The following SLC25A35 variants were observed in gnomAD, a reference collection of about 807,000 sequenced individuals.
SLC25A35 encodes solute carrier family 25 member 35, also known as solute carrier family 25, member 35.
A neutral mutation model predicts 30.5 loss-of-function variants in SLC25A35; 32 were observed. That is an observed-to-expected ratio of 1.05 (90% CI 0.79 to 1.41). SLC25A35 has a LOEUF of 1.41. Ranked by LOEUF, SLC25A35 falls within the 40% of genes most tolerant of loss-of-function variation. SLC25A35 has a pLI of 0.00. For missense variants in SLC25A35, 369 were observed against 388.0 expected (o/e 0.95, Z 0.41); for synonymous variants, 142 against 158.1 (o/e 0.90, Z 0.77).
chr17:8,291,955 G>A (rs1048555824), intron 2 of SLC25A35, among the ~76,000 whole-genome samples: 10 of 152,120 alleles, frequency 6.6e-5, no homozygotes, highest in Non-Finnish European at 1.0e-4. Context: ...AGGCCGAGGC[G>A]GGCGGATCAC....
intron 2 of SLC25A35, among the ~76,000 whole-genome samples, chr17:8,291,961 A>C (rs1333268514): frequency 1.3e-5 from 2 of 152,110 alleles, no homozygotes; most frequent in Admixed American, 6.6e-5. Context: ...AGGCGGGCGG[A>C]TCACAAGTTC....
At position 8,294,561 on chromosome 17, in the gene SLC25A35, T is replaced by G. The variant is rs1990737397; in HGVS notation, c.247A>C (p.Thr83Pro). 6.2e-7 allele frequency: 1 copy of G among 1,614,064 alleles called. No homozygotes were observed. Among genetic ancestry groups the G allele is most frequent in the African/African-American group, 1.3e-5 (1 of 75,054 alleles). Reference protein sequence around the residue: ...QFLMNGIRLGTYGLAEAGGYL... With the variant: ...QFLMNGIRLGPYGLAEAGGYL... ...CCCCCAGCCTCAGCCAGCCCATAGG[T>G]GCCCAGTCGGATGCCATTCATCAGG... The change falls in exon 1 of 5, where the codon ACC becomes CCC. Residue 83 changes from threonine (T) to proline (P), a missense_variant. Transcript: ENST00000577745.
chr17:8,292,619 C>T, intron 1 of SLC25A35, 31 bp from the exon 2 acceptor site: 1 of 1,609,492 alleles, frequency 6.2e-7, no homozygotes, highest in Non-Finnish European at 8.5e-7. Flanking sequence ...TAGCCTGTGC[C>T]CCAGTGGCCA....
chr17:8,290,263 C>T lies in SLC25A35; in HGVS notation c.*242G>A. On this transcript the variant is annotated 3_prime_UTR_variant, in exon 5 of 5. Coordinates refer to ENST00000577745, the MANE Select transcript of SLC25A35 (RefSeq NM_001320870.2). ...GAAATACACTTTGGGATGACTCGTT[C>T]AGCCCTGAGAGAGGGGTGTGAGTTA... 1 of 1,425,378 alleles carries T rather than the reference C, an allele frequency of 7.0e-7. No homozygotes were observed. The highest frequency in any genetic ancestry group is 1.5e-5 in the South Asian group (1 of 64,828). The allele number at this position is 1,425,378 out of a possible 1,614,324, so 88.3% of individuals were successfully genotyped here.
chr17:8,294,958 C>G lies in SLC25A35; in HGVS notation c.-151G>C. 7.0e-7 allele frequency: 1 copy of G among 1,425,046 alleles called. No individual in the cohort carries two copies. The highest frequency in any genetic ancestry group is 1.5e-5 in the South Asian group (1 of 64,916). 88.3% of individuals were successfully genotyped at this position (1,425,046 alleles called of 1,614,324 possible). On this transcript the variant is annotated 5_prime_UTR_variant, in exon 1 of 5. Transcript: ENST00000577745. ...GATTTGCAGTCAAGGGTGTCAGGGT[C>G]AAATGTCAAGTGGTCAAACGTCAGC...
chr17:8,288,739 T>A (rs767747427), downstream of SLC25A35: 3 of 1,597,490 alleles, frequency 1.9e-6, no homozygotes, highest in South Asian at 3.3e-5. Context: ...CGTGACCCAA[T>A]GTGGACTTCT....
chr17:8,289,134 C>T (rs1990275579), downstream of SLC25A35: 1 of 1,602,160 alleles, frequency 6.2e-7, no homozygotes, highest in Non-Finnish European at 8.5e-7. Context: ...GGGCGGGGCC[C>T]GCGGCCGACG....
downstream of SLC25A35, chr17:8,289,183 C>A (rs1470785174): frequency 6.2e-7 from 1 of 1,602,648 alleles, no homozygotes; most frequent in Non-Finnish European, 8.5e-7. Context: ...GGCCGGGAGC[C>A]AGGCCTGCAA....
chr17:8,294,973 C>A lies in SLC25A35; in HGVS notation c.-166G>T. ...GTGTCAGGGTCAAATGTCAAGTGGTCAAACGTCAGCTGGAATTTGGGAGTC... is the reference window on the plus strand; with the variant it reads ...GTGTCAGGGTCAAATGTCAAGTGGTAAAACGTCAGCTGGAATTTGGGAGTC... On this transcript the variant is annotated 5_prime_UTR_variant, in exon 1 of 5. Coordinates refer to ENST00000577745, the MANE Select transcript of SLC25A35 (RefSeq NM_001320870.2). The A allele has an allele frequency of 7.1e-7, 1 of 1,408,112 alleles. No homozygotes were observed. The highest frequency in any genetic ancestry group is 9.2e-7 in the Non-Finnish European group (1 of 1,086,036). The allele number at this position is 1,408,112 out of a possible 1,614,324, so 87.2% of individuals were successfully genotyped here.
Position 8,290,358 on chromosome 17 carries a change from A to G in SLC25A35, c.*147T>C. The G allele has an allele frequency of 6.9e-7, 1 of 1,444,970 alleles. No individual in the cohort carries two copies. 89.5% of individuals were successfully genotyped at this position (1,444,970 alleles called of 1,614,324 possible). ...GAAGGGAAACTCATCTCTTGTAGTG[A>G]TTCAACCCTGAGAACAGATGGGGAG... is the stretch of plus-strand genomic sequence containing the variant. On this transcript the variant is annotated 3_prime_UTR_variant, in exon 5 of 5. Transcript: ENST00000577745.
Position 8,294,870 on chromosome 17 carries a change from C to G in SLC25A35, c.-63G>C. ...GAAAGTAAAAATGGGTGTCAGAAAG[C>G]GGGGTTGGAAGACAGGGGGAAGGCC... On this transcript the variant is annotated 5_prime_UTR_variant, in exon 1 of 5. Transcript: ENST00000577745. 6.6e-7 allele frequency: 1 copy of G among 1,514,636 alleles called. No individual in the cohort carries two copies. The highest frequency in any genetic ancestry group is 8.8e-7 in the Non-Finnish European group (1 of 1,133,560). The allele number at this position is 1,514,636 out of a possible 1,614,324, so 93.8% of individuals were successfully genotyped here. A position where few individuals can be genotyped will look rare whatever the true frequency, so the allele number is the denominator to read the frequency against.
downstream of SLC25A35, chr17:8,289,671 C>A (rs752025883): frequency 1.9e-6 from 3 of 1,606,264 alleles, no homozygotes; most frequent in Admixed American, 1.7e-5. Context: ...GGGAGACTCA[C>A]TGGTGGGATC....
downstream of SLC25A35, chr17:8,289,505 A>C: frequency 6.2e-7 from 1 of 1,614,162 alleles, no homozygotes. Flanking sequence ...CCCCTTAGGT[A>C]GCAAAGGACG....
chr17:8,289,483 CCT>C, downstream of SLC25A35: 1 of 1,614,136 alleles, frequency 6.2e-7, no homozygotes, highest in Non-Finnish European at 8.5e-7. Context: ...AGGTAAGCAT[CCT>C]GACTCTGATC....
At chr17:8,292,730 CA>C (rs1990597324) in intron 1 of SLC25A35, 142 bp from the exon 2 acceptor site, 12 of 745,940 alleles carry the variant, frequency 1.6e-5, no homozygotes, top group South Asian at 1.4e-4. Context: ...TCCTACTTAA[CA>C]AACTGGTTAA....
downstream of SLC25A35, chr17:8,288,891 C>A (rs776597524): frequency 1.4e-4 from 222 of 1,614,052 alleles, no homozygotes; most frequent in Middle Eastern, 6.6e-4. Flanking sequence ...CGCCCAGGGG[C>A]GGCTGACTGG....
Position 8,290,918 on chromosome 17 carries a change from G to A in SLC25A35, c.653C>T (p.Ala218Val), listed in dbSNP as rs1436657379. The change falls in exon 4 of 5, where the codon GCA (alanine) becomes GTA (valine). Residue 218 changes from alanine (A) to valine (V), a missense_variant. Transcript: ENST00000577745. The part of the protein sequence containing the change: ...ALVAAMMSGI[A>V]VVLAMAPFDV... Reference sequence around the variant, plus strand: ...AAAGGGTGCCATGGCCAAGACAACTGCAATGCCACTCATCATGGCAGCCAC... The same window carrying A: ...AAAGGGTGCCATGGCCAAGACAACTACAATGCCACTCATCATGGCAGCCAC... 6.2e-7 allele frequency: 1 copy of A among 1,614,110 alleles called. No homozygotes were observed. The highest frequency in any genetic ancestry group is 1.1e-5 in the South Asian group (1 of 91,086).
rs1389528417 is a variant in SLC25A35, at chr17:8,294,849, G to T, written c.-42C>A. On this transcript the variant is annotated 5_prime_UTR_variant, in exon 1 of 5. Transcript: ENST00000577745. The stretch of plus-strand genomic sequence containing the variant: ...CAGGAACTGACCCAAGAGTAAGAAA[G>T]TAAAAATGGGTGTCAGAAAGCGGGG... 2.0e-6 allele frequency: 3 copies of T among 1,522,340 alleles called. No individual in the cohort carries two copies. In the African/African-American group the frequency reaches 4.2e-5, roughly 21 times the overall value. The allele number at this position is 1,522,340 out of a possible 1,614,324, so 94.3% of individuals were successfully genotyped here. A position where few individuals can be genotyped will look rare whatever the true frequency, so the allele number is the denominator to read the frequency against.
chr17:8,294,938 G>A lies in SLC25A35; in HGVS notation c.-131C>T. 6.9e-7 allele frequency: 1 copy of A among 1,451,198 alleles called. No homozygotes were observed. Among genetic ancestry groups the A allele is most frequent in the Non-Finnish European group, 9.0e-7 (1 of 1,107,442 alleles). The allele number at this position is 1,451,198 out of a possible 1,614,324, so 89.9% of individuals were successfully genotyped here. On this transcript the variant is annotated 5_prime_UTR_variant, in exon 1 of 5. Transcript: ENST00000577745. The stretch of plus-strand genomic sequence containing the variant: ...TTGCAGAAGATAAGAATTTAGATTT[G>A]CAGTCAAGGGTGTCAGGGTCAAATG...
Sources: gnomAD v4.1 joint callset for allele counts (sites outside exome capture counted in the v4.1 genomes callset) on GRCh38, gnomAD v4.1.1 for gene constraint, MANE v1.5 for transcripts, NCBI Gene and HGNC (gene_info 2026-07-23, HGNC 2026-07-21) for gene names.